The following MAGI2 variants were observed in gnomAD, a reference collection of about 807,000 sequenced individuals.
MAGI2 encodes the protein membrane associated guanylate kinase, WW and PDZ domain containing 2.
MAGI2 carries 35 observed loss-of-function variants against 133.3 expected under a neutral mutation model. The ratio of observed to expected loss-of-function variants is 0.26; its 90% confidence interval spans 0.20 to 0.35. The LOEUF (loss-of-function observed/expected upper bound fraction) is 0.35. Ranked by LOEUF, MAGI2 falls within the 10% of genes least tolerant of loss-of-function variation. The pLI is 1.00. For missense variants in MAGI2, 1,636 were observed against 1,863.4 expected, an observed-to-expected ratio of 0.88 and a Z score of 2.25; for synonymous variants, 729 against 710.6, an observed-to-expected ratio of 1.03 and a Z score of -0.41.
intron 3 of MAGI2, among the ~76,000 whole-genome samples, chr7:78,598,696 T>C (rs1423676098): frequency 6.6e-6 from 1 of 152,182 alleles, no homozygotes; most frequent in Non-Finnish European, 1.5e-5. Flanking sequence ...GCTAATTGCC[T>C]GTACTAGGTA....
chr7:79,223,083 T>C (rs912632270), intron 1 of MAGI2, among the ~76,000 whole-genome samples: 8 of 151,728 alleles, frequency 5.3e-5, no homozygotes, highest in South Asian at 2.1e-4. Flanking sequence ...GACGGGGTTT[T>C]ATCGTGTTAG....
At chr7:78,757,636 A>T (rs948652173) in intron 2 of MAGI2, among the ~76,000 whole-genome samples, 1 of 152,134 alleles carries the variant, frequency 6.6e-6, no homozygotes, top group Non-Finnish European at 1.5e-5. Context: ...CACCTGATAC[A>T]GTTGATCATT....
intron 1 of MAGI2, among the ~76,000 whole-genome samples, chr7:79,130,154 CAAA>C (rs370367894): frequency 8.3e-6 from 1 of 120,446 alleles, no homozygotes; most frequent in Admixed American, 8.6e-5. Flanking sequence ...ACTCTCTCTA[CAAA>C]AAAAAAAAAA....
In MAGI2 at chr7:78,160,284, T is replaced by C. The variant is rs1235394496; in HGVS notation, c.2597-11A>G. 1.2e-5 allele frequency: 19 copies of C among 1,569,864 alleles called. No individual in the cohort carries two copies. The highest frequency in any genetic ancestry group is 1.4e-5 in the Non-Finnish European group (16 of 1,156,374). On this transcript the variant is annotated splice_polypyrimidine_tract_variant and intron_variant, in intron 15 of 21. Transcript: ENST00000354212. ...CTGGGCAGGGCTCCCCTGCAAAATATACCACACACAGGTAATCAATTACCT... is the reference window on the plus strand; with the variant it reads ...CTGGGCAGGGCTCCCCTGCAAAATACACCACACACAGGTAATCAATTACCT...
chr7:79,432,653 T>C (rs973626300), intron 1 of MAGI2, among the ~76,000 whole-genome samples: 1 of 152,164 alleles, frequency 6.6e-6, no homozygotes, highest in Non-Finnish European at 1.5e-5. Flanking sequence ...GGGCTGCCTG[T>C]TGGGTTAAGG....
chr7:78,741,438 G>A (rs572810717), intron 2 of MAGI2, among the ~76,000 whole-genome samples: 40 of 144,466 alleles, frequency 2.8e-4, no homozygotes, highest in African/African-American at 1.0e-3. Flanking sequence ...CGGGAGGGGG[G>A]TTAGATCATA....
chr7:78,772,155 G>A (rs1325345852), intron 2 of MAGI2, among the ~76,000 whole-genome samples: 1 of 152,146 alleles, frequency 6.6e-6, no homozygotes, highest in East Asian at 1.9e-4. Flanking sequence ...CTGCTGCAAA[G>A]TTTTTAATAT....
intron 6 of MAGI2, among the ~76,000 whole-genome samples, chr7:78,455,185 T>C (rs913980261): frequency 1.0e-4 from 13 of 125,874 alleles, no homozygotes; most frequent in African/African-American, 4.0e-4. Flanking sequence ...GGCAGGTATA[T>C]GGAACTCTCT....
chr7:78,509,814 A>T (rs1404512721), intron 4 of MAGI2, among the ~76,000 whole-genome samples: 1 of 152,232 alleles, frequency 6.6e-6, no homozygotes, highest in African/African-American at 2.4e-5. Flanking sequence ...CATGTGACAC[A>T]GTCTATGTAT....
intron 1 of MAGI2, among the ~76,000 whole-genome samples, chr7:79,127,551 T>A (rs1438317566): frequency 1.3e-5 from 2 of 152,212 alleles, no homozygotes; most frequent in African/African-American, 4.8e-5. Flanking sequence ...TGATGGCCAG[T>A]GATGATGAGC....
At chr7:79,320,863 G>A (rs1029014552) in intron 1 of MAGI2, among the ~76,000 whole-genome samples, 2 of 151,978 alleles carry the variant, frequency 1.3e-5, no homozygotes, top group Admixed American at 1.3e-4. Flanking sequence ...CAGACCCAAG[G>A]CATTTCAAAA....
At chr7:78,501,875 G>A (rs1015163328) in intron 4 of MAGI2, 88 bp from the exon 5 acceptor site, 33 of 915,916 alleles carry the variant, frequency 3.6e-5, no homozygotes, top group East Asian at 2.3e-4. Context: ...GGGAATAAAC[G>A]TCATGAATAA....
At chr7:79,160,866 G>C (rs1824284020) in intron 1 of MAGI2, among the ~76,000 whole-genome samples, 1 of 151,930 alleles carries the variant, frequency 6.6e-6, no homozygotes, top group Non-Finnish European at 1.5e-5. Flanking sequence ...TAAGTCTGGG[G>C]CTAAGGGGGC....
At chr7:79,397,381 A>G (rs1845138655) in intron 1 of MAGI2, among the ~76,000 whole-genome samples, 1 of 151,866 alleles carries the variant, frequency 6.6e-6, no homozygotes, top group South Asian at 2.1e-4. Flanking sequence ...TCCCTGTTTG[A>G]ATTTCCCCCG....
intron 1 of MAGI2, among the ~76,000 whole-genome samples, chr7:79,310,007 G>GA (rs1260693930): frequency 1.4e-5 from 2 of 143,648 alleles, no homozygotes; most frequent in South Asian, 2.3e-4. Context: ...AGAAAGAATG[G>GA]AAAAAAAATT....
At chr7:79,285,620 T>G (rs1162492600) in intron 1 of MAGI2, among the ~76,000 whole-genome samples, 1 of 152,126 alleles carries the variant, frequency 6.6e-6, no homozygotes, top group African/African-American at 2.4e-5. Context: ...CTCTTTTTTA[T>G]TCTTTTAAAT....
At chr7:79,074,228 T>C (rs1176423604) in intron 1 of MAGI2, among the ~76,000 whole-genome samples, 1 of 152,212 alleles carries the variant, frequency 6.6e-6, no homozygotes, top group East Asian at 1.9e-4. Context: ...CTTAGGCATC[T>C]AAATATGATC....
At chr7:79,154,686 GACTACAA>G (rs1823594222) in intron 1 of MAGI2, among the ~76,000 whole-genome samples, 1 of 152,156 alleles carries the variant, frequency 6.6e-6, no homozygotes, top group Non-Finnish European at 1.5e-5. Context: ...CCTGGAGACA[GACTACAA>G]ACTATTCTCT....
In MAGI2 at chr7:78,120,817, C is replaced by T. The variant is rs979527357; in HGVS notation, c.3567+4877G>A. Among the ~76,000 whole-genome samples the T allele has an allele frequency of 7.0e-4, 105 of 150,458 alleles. 1 individual carries two copies. The highest frequency in any genetic ancestry group is 3.5e-3 in the Middle Eastern group (1 of 284). On this transcript the variant is annotated intron_variant, in intron 20 of 21. Transcript: ENST00000354212. ...GAGATCGAGACCATCCCGGCTAAAA[C>T]GGTGAAACCCCGTCTCTACTAAAAA... is the stretch of plus-strand genomic sequence containing the variant.
Sources: allele counts gnomAD v4.1 joint callset (sites outside exome capture counted in the v4.1 genomes callset), GRCh38; gene constraint gnomAD v4.1.1; transcripts MANE v1.5; gene names NCBI Gene and HGNC (gene_info 2026-07-23, HGNC 2026-07-21).